The following DPP10 variants were observed in gnomAD, a reference collection of about 807,000 sequenced individuals.
DPP10 encodes the protein dipeptidyl peptidase like 10, also known as inactive dipeptidyl peptidase 10.
DPP10 carries 33 observed loss-of-function variants against 120.9 expected under a neutral mutation model. The observed-to-expected ratio is 0.27, with a 90% confidence interval of 0.21 to 0.37. The LOEUF is 0.37. Ranked by LOEUF, DPP10 falls within the 10% of genes least tolerant of loss-of-function variation. The pLI, the probability that DPP10 is intolerant of heterozygous loss-of-function variation, is 1.00. For missense variants in DPP10, 816 were observed against 942.8 expected, an observed-to-expected ratio of 0.87 and a Z score of 1.76; for synonymous variants, 337 against 326.1, an observed-to-expected ratio of 1.03 and a Z score of -0.36.
intron 1 of DPP10, chr2:115,297,312 G>T: frequency 2.6e-6 from 1 of 384,770 alleles, no homozygotes; most frequent in Non-Finnish European, 5.3e-6. Flanking sequence ...AATTATTAAT[G>T]GGCAGCCCAG....
intron 3 of DPP10, among the ~76,000 whole-genome samples, chr2:115,374,234 G>T (rs564419065): frequency 1.1e-4 from 16 of 152,180 alleles, no homozygotes; most frequent in East Asian, 3.9e-4. Context: ...TTCCACCTAG[G>T]AGTTACTTCT....
chr2:114,531,930 C>G (rs1023980157), intron 1 of DPP10, among the ~76,000 whole-genome samples: 1 of 151,888 alleles, frequency 6.6e-6, no homozygotes. Flanking sequence ...AATGGGTAGA[C>G]AGCATCAAGA....
intron 1 of DPP10, among the ~76,000 whole-genome samples, chr2:114,573,932 T>G (rs1007133234): frequency 1.3e-5 from 2 of 152,206 alleles, no homozygotes; most frequent in Non-Finnish European, 2.9e-5. Flanking sequence ...ATCTCCACTT[T>G]TCCAAAGGAT....
At chr2:115,459,549 A>G (rs902120002) in intron 3 of DPP10, among the ~76,000 whole-genome samples, 1 of 152,048 alleles carries the variant, frequency 6.6e-6, no homozygotes, top group Non-Finnish European at 1.5e-5. Context: ...AATTTTTTTC[A>G]TGCAGGCAAT....
intron 2 of DPP10, among the ~76,000 whole-genome samples, chr2:115,333,216 G>C (rs181480756): frequency 6.6e-6 from 1 of 152,080 alleles, no homozygotes; most frequent in Admixed American, 6.6e-5. Flanking sequence ...TTGGTTTAAA[G>C]TCTGTTTTAT....
At chr2:115,043,721 A>T (rs1704846067) in intron 1 of DPP10, among the ~76,000 whole-genome samples, 1 of 152,210 alleles carries the variant, frequency 6.6e-6, no homozygotes, top group Admixed American at 6.5e-5. Context: ...CATTGATTTT[A>T]AAAATTATGG....
At chr2:114,727,371 C>T (rs1056846874) in intron 1 of DPP10, among the ~76,000 whole-genome samples, 1 of 152,202 alleles carries the variant, frequency 6.6e-6, no homozygotes, top group Non-Finnish European at 1.5e-5. Flanking sequence ...GGCTTATTAA[C>T]ATTCTGAGTA....
chr2:114,950,031 A>T (rs184700500), intron 1 of DPP10, among the ~76,000 whole-genome samples: 113 of 152,334 alleles, frequency 7.4e-4, no homozygotes, highest in African/African-American at 2.5e-3. Flanking sequence ...ACTTAAAAAA[A>T]TTCTTAAAAA....
chr2:114,687,364 C>A (rs1699441381), intron 1 of DPP10, among the ~76,000 whole-genome samples: 1 of 151,912 alleles, frequency 6.6e-6, no homozygotes, highest in Non-Finnish European at 1.5e-5. Context: ...TAGAAGTTAG[C>A]AGATGTATCT....
intron 11 of DPP10, among the ~76,000 whole-genome samples, chr2:115,761,677 G>T (rs1445820409): frequency 1.3e-5 from 2 of 151,420 alleles, no homozygotes; most frequent in South Asian, 4.2e-4. Context: ...ATATCTTCAC[G>T]TAATGAAGAT....
intron 1 of DPP10, among the ~76,000 whole-genome samples, chr2:114,791,608 G>A (rs1250657862): frequency 6.6e-6 from 1 of 152,158 alleles, no homozygotes; most frequent in East Asian, 1.9e-4. Context: ...TATGTAAGAA[G>A]TCTTCAACCT....
At chr2:114,575,266 C>T (rs955551058) in intron 1 of DPP10, among the ~76,000 whole-genome samples, 1 of 152,058 alleles carries the variant, frequency 6.6e-6, no homozygotes, top group Non-Finnish European at 1.5e-5. Flanking sequence ...GAGGGGAAGG[C>T]TGGGCTGGCA....
intron 1 of DPP10, chr2:114,461,497 A>T (rs906644254): frequency 1.1e-4 from 90 of 832,892 alleles, no homozygotes; most frequent in Non-Finnish European, 1.2e-4. Flanking sequence ...TGTCTCCCTC[A>T]ACCAATTAGC....
At chr2:115,548,352 C>T (rs1234900655) in intron 5 of DPP10, among the ~76,000 whole-genome samples, 1 of 152,096 alleles carries the variant, frequency 6.6e-6, no homozygotes, top group African/African-American at 2.4e-5. Context: ...ATTCAAGTAA[C>T]TCGAGTCCAG....
intron 1 of DPP10, among the ~76,000 whole-genome samples, chr2:114,528,738 C>T (rs1558847651): frequency 6.6e-6 from 1 of 151,618 alleles, no homozygotes; most frequent in East Asian, 1.9e-4. Context: ...CACACTGTCC[C>T]TTTCCTTTTT....
chr2:114,980,950 A>C (rs1700046716), intron 1 of DPP10, among the ~76,000 whole-genome samples: 1 of 152,054 alleles, frequency 6.6e-6, no homozygotes, highest in African/African-American at 2.4e-5. Context: ...TTAAAGAAAA[A>C]AATTTAAATT....
At chr2:114,548,439 C>T (rs1181632667) in intron 1 of DPP10, among the ~76,000 whole-genome samples, 1 of 152,176 alleles carries the variant, frequency 6.6e-6, no homozygotes, top group Non-Finnish European at 1.5e-5. Flanking sequence ...AGAACAATCA[C>T]ACAAGTCACT....
At chr2:115,668,011 T>C (rs111987709) in intron 5 of DPP10, among the ~76,000 whole-genome samples, 2,175 of 152,226 alleles carry the variant, frequency 0.014, 69 homozygotes, top group African/African-American at 0.05. Flanking sequence ...AGCTTAGTTC[T>C]ATTGTTTTAT....
intron 3 of DPP10, among the ~76,000 whole-genome samples, chr2:115,460,903 C>T (rs1309754913): frequency 1.3e-5 from 2 of 152,176 alleles, no homozygotes; most frequent in African/African-American, 4.8e-5. Flanking sequence ...GATTGTTCCA[C>T]ATGAGGGCAG....
Sources: gnomAD v4.1 joint callset for allele counts (sites outside exome capture counted in the v4.1 genomes callset) on GRCh38, gnomAD v4.1.1 for gene constraint, MANE v1.5 for transcripts, NCBI Gene and HGNC (gene_info 2026-07-23, HGNC 2026-07-21) for gene names.